The following TMEM132B variants were observed in gnomAD, a reference collection of about 807,000 sequenced individuals.
TMEM132B encodes transmembrane protein 132B.
In TMEM132B, 18 loss-of-function variants were observed where a neutral mutation model predicts 90.8. That is an observed-to-expected ratio of 0.20 (90% CI 0.14 to 0.29). The LOEUF is 0.29. TMEM132B is among the 10% of genes least tolerant of loss of function. The pLI is 1.00. For synonymous variants in TMEM132B, 504 were observed against 523.3 expected, an observed-to-expected ratio of 0.96 and a Z score of 0.50; for missense variants, 1,096 against 1,326.8, an observed-to-expected ratio of 0.83 and a Z score of 2.70.
chr12:125,454,726 T>C (rs1190309818), intron 3 of TMEM132B, among the ~76,000 whole-genome samples: 1 of 152,262 alleles, frequency 6.6e-6, no homozygotes, highest in Non-Finnish European at 1.5e-5. Flanking sequence ...ATTTGTTTGC[T>C]TTGCATCTGA....
chr12:125,632,526 C>A lies in TMEM132B; in HGVS notation c.1438-11550C>A, dbSNP rs142214769. On this transcript the variant is annotated intron_variant, in intron 5 of 8. Coordinates refer to ENST00000682704, the MANE Select transcript of TMEM132B (RefSeq NM_001366854.1). ...TGATTACTTATTGCTCATTAATGTC[C>A]TTTTCTTTCTGATTGAAATACTCCC... 4.8e-3 allele frequency among the ~76,000 whole-genome samples: 729 copies of A among 152,138 alleles called. 8 individuals carry two copies. The highest frequency in any genetic ancestry group is 0.016 in the African/African-American group (644 of 41,518).
chr12:125,230,362 G>A (rs1873789634), intron 1 of TMEM132B, among the ~76,000 whole-genome samples: 1 of 152,158 alleles, frequency 6.6e-6, no homozygotes, highest in South Asian at 2.1e-4. Context: ...TGTGGCTCCT[G>A]GACTGCAGCG....
chr12:125,477,863 C>T (rs1256304430), intron 3 of TMEM132B, among the ~76,000 whole-genome samples: 3 of 152,124 alleles, frequency 2.0e-5, no homozygotes, highest in Non-Finnish European at 4.4e-5. Flanking sequence ...CCTCATACAG[C>T]CGGGTGCCCC....
At chr12:125,496,768 A>G (rs1237626118) in intron 3 of TMEM132B, among the ~76,000 whole-genome samples, 2 of 152,184 alleles carry the variant, frequency 1.3e-5, no homozygotes, top group Non-Finnish European at 2.9e-5. Flanking sequence ...CCCCTCCAGA[A>G]GGAGGTCAAG....
At chr12:125,190,604 G>T (rs1431753551) in intron 1 of TMEM132B, among the ~76,000 whole-genome samples, 2 of 114,118 alleles carry the variant, frequency 1.8e-5, no homozygotes. Flanking sequence ...ATGGGGAAGG[G>T]GTGGTGATGG....
intron 2 of TMEM132B, among the ~76,000 whole-genome samples, chr12:125,361,296 G>A (rs1202695374): frequency 6.6e-6 from 1 of 152,110 alleles, no homozygotes; most frequent in African/African-American, 2.4e-5. Flanking sequence ...GCTCAGAAAT[G>A]CTAAGTCACT....
At chr12:125,443,278 A>G (rs999646287) in intron 3 of TMEM132B, among the ~76,000 whole-genome samples, 2 of 152,200 alleles carry the variant, frequency 1.3e-5, no homozygotes, top group Non-Finnish European at 1.5e-5. Context: ...GAAGATCACC[A>G]TCGTAAACTA....
Position 125,658,695 on chromosome 12 carries a change from A to ACC in TMEM132B, c.*3986_*3987dup, listed in dbSNP as rs1887133134. ...TGTAATATAGGCAATATAATGAAAC[A>ACC]CCGAGTTTTTTAAAGTGAAAGCATG... On this transcript the variant is annotated 3_prime_UTR_variant, in exon 9 of 9. Transcript: ENST00000682704. The ACC allele has an allele frequency of 6.6e-6, 1 of 152,232 alleles. No homozygotes were observed. Among genetic ancestry groups the ACC allele is most frequent in the Non-Finnish European group, 1.5e-5 (1 of 68,044 alleles). 9.4% of individuals were successfully genotyped at this position (152,232 alleles called of 1,614,324 possible).
intron 1 of TMEM132B, among the ~76,000 whole-genome samples, chr12:125,313,422 TCTCTC>T (rs1333359947): frequency 1.3e-5 from 2 of 151,524 alleles, no homozygotes; most frequent in African/African-American, 2.4e-5. Context: ...CTTTCCATCC[TCTCTC>T]CTCTCCTCTT....
At chr12:125,542,130 A>G (rs1232918356) in intron 4 of TMEM132B, among the ~76,000 whole-genome samples, 1 of 150,852 alleles carries the variant, frequency 6.6e-6, no homozygotes, top group African/African-American at 2.4e-5. Flanking sequence ...AAAATCATGT[A>G]TGAGTTAGAA....
At chr12:125,494,710 TC>T in intron 3 of TMEM132B, among the ~76,000 whole-genome samples, 1 of 116,576 alleles carries the variant, frequency 8.6e-6, no homozygotes, top group Non-Finnish European at 1.7e-5. Context: ...GCTGGGTCCC[TC>T]CTCCCCCTCC....
At chr12:125,312,570 G>T (rs531656827) in intron 1 of TMEM132B, among the ~76,000 whole-genome samples, 2 of 152,326 alleles carry the variant, frequency 1.3e-5, no homozygotes, top group Admixed American at 6.5e-5. Flanking sequence ...CAGGCTGAGC[G>T]CCACCATCTC....
intron 5 of TMEM132B, among the ~76,000 whole-genome samples, chr12:125,634,322 G>A (rs1886433190): frequency 6.6e-6 from 1 of 152,164 alleles, no homozygotes; most frequent in African/African-American, 2.4e-5. Flanking sequence ...ACCCTGCAGG[G>A]CAGTGGGCTC....
intron 1 of TMEM132B, among the ~76,000 whole-genome samples, chr12:125,222,621 T>C (rs1414828933): frequency 6.6e-6 from 1 of 152,258 alleles, no homozygotes; most frequent in African/African-American, 2.4e-5. Flanking sequence ...ATTTCTATTC[T>C]AAATTTACTT....
Position 125,415,559 on chromosome 12 carries a change from A to G in TMEM132B, c.988A>G (p.Thr330Ala). 2.5e-6 allele frequency: 4 copies of G among 1,614,212 alleles called. No individual in the cohort carries two copies. The highest frequency in any genetic ancestry group is 3.4e-6 in the Non-Finnish European group (4 of 1,180,032). Residue 330 changes from threonine to alanine, a missense_variant, in exon 3 of 9, where the codon ACG becomes GCG. Thr to Ala is a moderately conservative substitution (Grantham distance 58). Coordinates refer to ENST00000682704, the MANE Select transcript of TMEM132B (RefSeq NM_001366854.1). The surrounding 1 kb of genome is among the most constrained non-coding windows in gnomAD (Gnocchi z 5.3). ...RIKAAAGVKITAVRVSSEDQW... is the reference protein window; with the variant it reads ...RIKAAAGVKIAAVRVSSEDQW... ...TAAGGCGGCAGCAGGTGTGAAGATA[A>G]CGGCAGTGAGAGTCAGCAGTGAGGA... is the stretch of plus-strand genomic sequence containing the variant.
At chr12:125,449,443 T>C (rs1881092344) in intron 3 of TMEM132B, among the ~76,000 whole-genome samples, 1 of 152,238 alleles carries the variant, frequency 6.6e-6, no homozygotes, top group African/African-American at 2.4e-5. Context: ...TTATTCCTGA[T>C]ATTCATAACT....
At chr12:125,475,384 A>G (rs1245824289) in intron 3 of TMEM132B, among the ~76,000 whole-genome samples, 2 of 152,174 alleles carry the variant, frequency 1.3e-5, no homozygotes, top group African/African-American at 2.4e-5. Flanking sequence ...CTGAGTGTCA[A>G]CTTGATTGGA....
chr12:125,423,448 A>G (rs1294621560), intron 3 of TMEM132B, among the ~76,000 whole-genome samples: 1 of 152,184 alleles, frequency 6.6e-6, no homozygotes, highest in Non-Finnish European at 1.5e-5. Context: ...CATGCTAGAA[A>G]GTGACAACAG....
intron 2 of TMEM132B, among the ~76,000 whole-genome samples, chr12:125,385,740 T>C (rs1878811134): frequency 6.6e-6 from 1 of 152,228 alleles, no homozygotes; most frequent in South Asian, 2.1e-4. Flanking sequence ...TAATGTATTT[T>C]TTATTGAAAC....
Sources: gnomAD v4.1 joint callset for allele counts (sites outside exome capture counted in the v4.1 genomes callset) on GRCh38, gnomAD v4.1.1 for gene constraint, Gnocchi (gnomAD v3.1) non-coding constraint, MANE v1.5 for transcripts, NCBI Gene and HGNC (gene_info 2026-07-23, HGNC 2026-07-21) for gene names.